MRPS9: variants seen among roughly 807,000 people sequenced by gnomAD.
MRPS9 encodes the protein small ribosomal subunit protein uS9m.
MRPS9 carries 45 observed loss-of-function variants against 59.9 expected under a neutral mutation model. The observed-to-expected ratio is 0.75, with a 90% CI of 0.59 to 0.96. MRPS9 has a LOEUF of 0.96. Ranked by LOEUF, MRPS9 falls within the 40% of genes least tolerant of loss-of-function variation. MRPS9 has a pLI of 0.00. For missense variants in MRPS9, 473 were observed against 481.1 expected (o/e 0.98, Z 0.16); for synonymous variants, 171 against 166.8 (o/e 1.03, Z -0.19).
chr2:105,064,004 G>A (rs1679951938), intron 2 of MRPS9, among the ~76,000 whole-genome samples: 1 of 152,156 alleles, frequency 6.6e-6, no homozygotes, highest in South Asian at 2.1e-4. Flanking sequence ...GTTATTTGAG[G>A]AACAGTTTTG....
rs1680106150 is a variant in MRPS9 at position 105,071,305 on chromosome 2, A to G, written c.316-8A>G. 6.2e-7 allele frequency: 1 copy of G among 1,608,454 alleles called. No homozygotes were observed. The highest frequency in any genetic ancestry group is 8.5e-7 in the Non-Finnish European group (1 of 1,177,916). On this transcript the variant is annotated splice_region_variant and splice_polypyrimidine_tract_variant and intron_variant, in intron 2 of 10. Coordinates refer to ENST00000258455, the MANE Select transcript of MRPS9 (RefSeq NM_182640.3). ...CAGTTGTTAACTAACCTTTGTGTAT[A>G]TTTTCAGAGAGCTATTGCTTACCTT...
At chr2:105,040,671 G>A (rs916820619) in intron 1 of MRPS9, among the ~76,000 whole-genome samples, 7 of 152,192 alleles carry the variant, frequency 4.6e-5, no homozygotes, top group Admixed American at 2.0e-4. Context: ...AATTGCAAAT[G>A]TCTGAGTGTC....
intron 2 of MRPS9, among the ~76,000 whole-genome samples, chr2:105,059,071 G>A (rs1037799605): frequency 1.4e-5 from 2 of 140,506 alleles, no homozygotes; most frequent in African/African-American, 5.4e-5. Flanking sequence ...TGTTCTGTGG[G>A]GTTTTTTTTT....
chr2:105,070,526 C>T (rs984429156), intron 2 of MRPS9, among the ~76,000 whole-genome samples: 1 of 152,176 alleles, frequency 6.6e-6, no homozygotes, highest in Admixed American at 6.5e-5. Flanking sequence ...AGGCCATAGA[C>T]TCTTCATCGG....
intron 7 of MRPS9, chr2:105,091,482 C>T (rs1680557379): frequency 4.7e-6 from 2 of 424,604 alleles, no homozygotes; most frequent in South Asian, 3.4e-5. Flanking sequence ...TCTTTCATTA[C>T]ATCATAGGAA....
At chr2:105,069,084 C>T (rs1422628328) in intron 2 of MRPS9, among the ~76,000 whole-genome samples, 9 of 152,140 alleles carry the variant, frequency 5.9e-5, no homozygotes, top group Admixed American at 5.2e-4. Context: ...GCCTCGCCAA[C>T]AGTGTGCTGT....
intron 4 of MRPS9, among the ~76,000 whole-genome samples, chr2:105,078,934 C>T (rs971104988): frequency 6.6e-6 from 1 of 152,000 alleles, no homozygotes; most frequent in Non-Finnish European, 1.5e-5. Flanking sequence ...AAGACTGGTT[C>T]ACGGGGGTGG....
intron 4 of MRPS9, among the ~76,000 whole-genome samples, chr2:105,077,729 CAG>C (rs1680243463): frequency 6.6e-6 from 1 of 152,046 alleles, no homozygotes; most frequent in Admixed American, 6.5e-5. Flanking sequence ...TCAAGAGAAA[CAG>C]AAACTAAAAT....
At chr2:105,092,346 A>C (rs1347652885) in intron 7 of MRPS9, 55 bp from the exon 8 acceptor site, 5 of 1,474,112 alleles carry the variant, frequency 3.4e-6, no homozygotes, top group Middle Eastern at 1.8e-4. Context: ...AAATAGAAAA[A>C]ATTTAGCAAA....
intron 1 of MRPS9, among the ~76,000 whole-genome samples, chr2:105,047,775 G>T (rs17020867): frequency 1.3e-5 from 2 of 152,042 alleles, no homozygotes; most frequent in Middle Eastern, 3.4e-3. Flanking sequence ...GACTGAAGGC[G>T]AAATCTTCAT....
chr2:105,082,387 A>T (rs1320809081), intron 5 of MRPS9, among the ~76,000 whole-genome samples: 1 of 152,202 alleles, frequency 6.6e-6, no homozygotes, highest in Non-Finnish European at 1.5e-5. Context: ...GTGTGCAGTT[A>T]TGTGAGGAGA....
At position 105,070,178 on chromosome 2, in the gene MRPS9, T is replaced by G. The variant is rs79259026; in HGVS notation, c.316-1135T>G. On this transcript the variant is annotated intron_variant, in intron 2 of 10. Transcript: ENST00000258455. ...ACTCCAGCCTGCGTGACAAAGCATG[T>G]TGCCCAGGCTGGTTTATAACACCTG... Among the ~76,000 whole-genome samples the G allele has an allele frequency of 2.8e-3, 420 of 152,274 alleles. 2 individuals carry two copies. Among genetic ancestry groups the G allele is most frequent in the African/African-American group, 9.5e-3 (395 of 41,550 alleles).
chr2:105,041,827 G>C (rs1679507490), intron 1 of MRPS9, among the ~76,000 whole-genome samples: 1 of 152,126 alleles, frequency 6.6e-6, no homozygotes, highest in Non-Finnish European at 1.5e-5. Context: ...ATCTAATCCT[G>C]TCCTTGTAAG....
chr2:105,095,264 A>G (rs1680634129), intron 9 of MRPS9, among the ~76,000 whole-genome samples: 1 of 152,190 alleles, frequency 6.6e-6, no homozygotes, highest in African/African-American at 2.4e-5. Flanking sequence ...TGAAGTTACA[A>G]GGGAGGCTTC....
chr2:105,050,299 C>A (rs1043459067), intron 2 of MRPS9, among the ~76,000 whole-genome samples: 1 of 152,120 alleles, frequency 6.6e-6, no homozygotes, highest in Non-Finnish European at 1.5e-5. Flanking sequence ...ACCACCATAC[C>A]CAGATAATTT....
chr2:105,038,319 T>G, intron 1 of MRPS9, 92 bp downstream of exon 1: 2 of 1,499,112 alleles, frequency 1.3e-6, no homozygotes, highest in Admixed American at 4.0e-5. Flanking sequence ...TCGCGTGCCT[T>G]CAGGCAGGGA....
intron 3 of MRPS9, 42 bp downstream of exon 3, chr2:105,071,417 T>C: frequency 6.3e-7 from 1 of 1,585,922 alleles, no homozygotes; most frequent in Non-Finnish European, 8.6e-7. Flanking sequence ...CACTTTTATA[T>C]GTTATGATAA....
intron 2 of MRPS9, among the ~76,000 whole-genome samples, chr2:105,058,052 G>T (rs971931341): frequency 6.6e-6 from 1 of 152,112 alleles, no homozygotes; most frequent in African/African-American, 2.4e-5. Flanking sequence ...TGAATATGCT[G>T]TATGAAGTTT....
Position 105,092,534 on chromosome 2 carries a change from A to T in MRPS9, c.785A>T (p.Tyr262Phe). The change falls in exon 8 of 11, where the codon TAT (tyrosine) becomes TTT (phenylalanine). Residue 262 changes from tyrosine to phenylalanine, a missense_variant. Transcript: ENST00000258455. ...AAACAGCTGATTGAACCTGTACAGT[A>T]TGATGAGCAAGGAATGGCCTTTAGC... ...SKKQLIEPVQYDEQGMAFSKS... is the reference protein window; with the variant it reads ...SKKQLIEPVQFDEQGMAFSKS... The T allele has an allele frequency of 6.2e-7, 1 of 1,609,286 alleles. No individual in the cohort carries two copies. Among genetic ancestry groups the T allele is most frequent in the South Asian group, 1.1e-5 (1 of 89,860 alleles).
Sources: allele counts gnomAD v4.1 joint callset (sites outside exome capture counted in the v4.1 genomes callset), GRCh38; gene constraint gnomAD v4.1.1; transcripts MANE v1.5; gene names NCBI Gene and HGNC (gene_info 2026-07-23, HGNC 2026-07-21).